The following ADAMTSL1 variants were observed in gnomAD, a reference collection of about 807,000 sequenced individuals.
ADAMTSL1 encodes ADAMTS like 1.
A neutral mutation model predicts 201.8 loss-of-function variants in ADAMTSL1; 126 were observed. The ratio of observed to expected loss-of-function variants is 0.62; its 90% CI spans 0.54 to 0.72. ADAMTSL1 has a LOEUF of 0.72. Ranked by LOEUF, ADAMTSL1 falls within the 30% of genes least tolerant of loss-of-function variation. The pLI, the probability that ADAMTSL1 is intolerant of heterozygous loss-of-function variation, is 0.00. For missense variants in ADAMTSL1, 2,679 were observed against 2,277.8 expected, an observed-to-expected ratio of 1.18 and a Z score of -3.59; for synonymous variants, 1,121 against 903.4, an observed-to-expected ratio of 1.24 and a Z score of -4.32.
intron 1 of ADAMTSL1, among the ~76,000 whole-genome samples, chr9:18,059,003 A>G (rs975950360): frequency 7.9e-5 from 12 of 152,206 alleles, no homozygotes; most frequent in African/African-American, 2.7e-4. Flanking sequence ...ATTCTCATTT[A>G]AGCCTAAGCA....
chr9:18,394,167 T>C (rs1817651757), intron 2 of ADAMTSL1, among the ~76,000 whole-genome samples: 1 of 151,536 alleles, frequency 6.6e-6, no homozygotes, highest in South Asian at 2.1e-4. Context: ...AGAACAAGGA[T>C]TTTTTTTTAA....
At chr9:18,014,208 C>G (rs1304530879) in intron 1 of ADAMTSL1, among the ~76,000 whole-genome samples, 1 of 152,004 alleles carries the variant, frequency 6.6e-6, no homozygotes, top group Non-Finnish European at 1.5e-5. Flanking sequence ...CATACACTTC[C>G]AGGATGCTAC....
At chr9:18,001,607 A>T in intron 1 of ADAMTSL1, among the ~76,000 whole-genome samples, 1 of 152,096 alleles carries the variant, frequency 6.6e-6, no homozygotes, top group East Asian at 1.9e-4. Flanking sequence ...CTAAGAAGAA[A>T]TTGTCTGTGT....
chr9:17,986,677 C>G (rs1018677633), intron 1 of ADAMTSL1, among the ~76,000 whole-genome samples: 2 of 152,014 alleles, frequency 1.3e-5, no homozygotes, highest in Admixed American at 1.3e-4. Context: ...CAGGTGAGCC[C>G]TCACTCTTTG....
At chr9:18,203,163 T>C (rs887626701) in intron 2 of ADAMTSL1, among the ~76,000 whole-genome samples, 1 of 152,112 alleles carries the variant, frequency 6.6e-6, no homozygotes, top group South Asian at 2.1e-4. Context: ...AAGAGGACAG[T>C]AAGCTCTGCT....
At chr9:18,811,935 T>C (rs1278182926) in intron 20 of ADAMTSL1, among the ~76,000 whole-genome samples, 1 of 152,120 alleles carries the variant, frequency 6.6e-6, no homozygotes, top group Non-Finnish European at 1.5e-5. Context: ...AAAACTCTGA[T>C]GAAAGAAATT....
intron 2 of ADAMTSL1, among the ~76,000 whole-genome samples, chr9:18,168,574 C>T (rs905405859): frequency 7.9e-5 from 12 of 151,264 alleles, no homozygotes; most frequent in Admixed American, 2.0e-4. Context: ...TGAATAATGC[C>T]GCACTAAACA....
intron 2 of ADAMTSL1, among the ~76,000 whole-genome samples, chr9:18,194,058 C>T (rs1829077053): frequency 6.6e-6 from 1 of 151,828 alleles, no homozygotes; most frequent in Admixed American, 6.6e-5. Flanking sequence ...ACTGATAAAC[C>T]TACTGAAGAG....
chr9:18,554,124 A>G (rs1299710018), intron 3 of ADAMTSL1, among the ~76,000 whole-genome samples: 1 of 151,630 alleles, frequency 6.6e-6, no homozygotes, highest in Non-Finnish European at 1.5e-5. Flanking sequence ...TCGACCTGAA[A>G]ATTTATAAAA....
intron 13 of ADAMTSL1, among the ~76,000 whole-genome samples, chr9:18,692,681 T>C (rs144846394): frequency 5.3e-5 from 8 of 152,180 alleles, no homozygotes; most frequent in Non-Finnish European, 1.0e-4. Flanking sequence ...CTAATTTCAT[T>C]CCATGTAAAG....
intron 23 of ADAMTSL1, among the ~76,000 whole-genome samples, chr9:18,879,687 G>C (rs1828404752): frequency 6.6e-6 from 1 of 152,206 alleles, no homozygotes. Flanking sequence ...CCTTAAGCAA[G>C]TCTAATCTTT....
chr9:18,792,613 A>C (rs980677772), intron 19 of ADAMTSL1, among the ~76,000 whole-genome samples: 3 of 152,226 alleles, frequency 2.0e-5, no homozygotes, highest in African/African-American at 7.2e-5. Flanking sequence ...AGTTCTATTG[A>C]AACTTGACTA....
upstream of ADAMTSL1, chr9:18,474,078 ACCC>A: frequency 2.4e-6 from 1 of 420,586 alleles, no homozygotes; most frequent in Non-Finnish European, 4.4e-6. Flanking sequence ...CCACCCATCC[ACCC>A]ACCCACCCCT....
intron 2 of ADAMTSL1, among the ~76,000 whole-genome samples, chr9:18,468,221 C>T (rs947456294): frequency 2.0e-5 from 3 of 152,080 alleles, no homozygotes; most frequent in African/African-American, 7.2e-5. Flanking sequence ...ATAACTTCAG[C>T]AATGTAGAAA....
intron 1 of ADAMTSL1, among the ~76,000 whole-genome samples, chr9:18,162,308 C>T (rs559109414): frequency 1.3e-5 from 2 of 151,922 alleles, no homozygotes; most frequent in African/African-American, 2.4e-5. Flanking sequence ...TCTCCCTCAG[C>T]CTGGAGAAAG....
intron 1 of ADAMTSL1, among the ~76,000 whole-genome samples, chr9:18,130,222 G>A (rs10963463): frequency 0.16 from 24,786 of 151,908 alleles, 2,556 homozygotes; most frequent in South Asian, 0.24. Flanking sequence ...TTTTCACCTC[G>A]CATTAGTCAT....
intron 2 of ADAMTSL1, among the ~76,000 whole-genome samples, chr9:18,438,217 G>A (rs1819835196): frequency 7.1e-6 from 1 of 140,790 alleles, no homozygotes; most frequent in Non-Finnish European, 1.6e-5. Context: ...AAAGGAGGGG[G>A]AGAGATGGAG....
At chr9:18,016,746 G>C (rs948402546) in intron 1 of ADAMTSL1, among the ~76,000 whole-genome samples, 5 of 152,016 alleles carry the variant, frequency 3.3e-5, no homozygotes, top group Non-Finnish European at 7.4e-5. Flanking sequence ...TTGGTATTTA[G>C]GGTATAAAAT....
intron 1 of ADAMTSL1, among the ~76,000 whole-genome samples, chr9:18,150,074 T>A (rs1826841235): frequency 1.3e-5 from 2 of 152,090 alleles, no homozygotes; most frequent in South Asian, 4.1e-4. Flanking sequence ...GACATTTGTT[T>A]AATAATGCTT....
Sources: gnomAD v4.1 joint callset for allele counts (sites outside exome capture counted in the v4.1 genomes callset) on GRCh38, gnomAD v4.1.1 for gene constraint, MANE v1.5 for transcripts, NCBI Gene and HGNC (gene_info 2026-07-23, HGNC 2026-07-21) for gene names.